The following CRYL1 variants were observed in gnomAD, a reference collection of about 807,000 sequenced individuals.
CRYL1 encodes lambda-crystallin homolog.
CRYL1 carries 29 observed loss-of-function variants against 36.6 expected under a neutral mutation model. The observed-to-expected ratio is 0.79, with a 90% CI of 0.59 to 1.08. The LOEUF is 1.08. Ranked by LOEUF, CRYL1 falls within the 50% of genes least tolerant of loss-of-function variation. CRYL1 has a pLI of 0.00. For synonymous variants in CRYL1, 152 were observed against 151.5 expected, an observed-to-expected ratio of 1.00 and a Z score of -0.02; for missense variants, 411 against 407.9, an observed-to-expected ratio of 1.01 and a Z score of -0.06.
intron 3 of CRYL1, among the ~76,000 whole-genome samples, chr13:20,441,706 A>G (rs925996936): frequency 4.6e-5 from 7 of 152,242 alleles, no homozygotes; most frequent in African/African-American, 1.7e-4. Flanking sequence ...AATGTTTTCA[A>G]GTTTAATTGA....
In CRYL1 at chr13:20,415,730, T is replaced by C. The variant is rs2031646596; in HGVS notation, c.634-2343A>G. Among the ~76,000 whole-genome samples the C allele has an allele frequency of 6.6e-6, 1 of 152,252 alleles. No homozygotes were observed. The highest frequency in any genetic ancestry group is 1.5e-5 in the Non-Finnish European group (1 of 68,032). On this transcript the variant is annotated intron_variant, in intron 5 of 7. Transcript: ENST00000298248. The surrounding 1 kb of genome is among the most constrained non-coding windows in gnomAD (Gnocchi z 4.1). ...CGCCCGCTTCTAGAGGCCCGCACCCTGACTCCTGCAATTGCGGCTTTCCCG... is the reference window on the plus strand; with the variant it reads ...CGCCCGCTTCTAGAGGCCCGCACCCCGACTCCTGCAATTGCGGCTTTCCCG...
intron 2 of CRYL1, among the ~76,000 whole-genome samples, chr13:20,506,584 G>C (rs916637454): frequency 1.1e-4 from 17 of 151,556 alleles, no homozygotes; most frequent in Non-Finnish European, 2.5e-4. Context: ...AGCATCATCA[G>C]TCCTGATGCC....
chr13:20,426,101 G>A (rs1349779941), intron 5 of CRYL1, among the ~76,000 whole-genome samples: 1 of 152,140 alleles, frequency 6.6e-6, no homozygotes, highest in Non-Finnish European at 1.5e-5. Flanking sequence ...AAGCATGCAA[G>A]CAGGATGACA....
intron 5 of CRYL1, among the ~76,000 whole-genome samples, chr13:20,422,011 AAAT>A (rs2031829206): frequency 6.6e-6 from 1 of 152,094 alleles, no homozygotes; most frequent in Non-Finnish European, 1.5e-5. Context: ...ACAAAATAAT[AAAT>A]AATGGTATAA....
At chr13:20,437,775 A>G (rs2032263209) in intron 4 of CRYL1, among the ~76,000 whole-genome samples, 1 of 152,292 alleles carries the variant, frequency 6.6e-6, no homozygotes, top group South Asian at 2.1e-4. Context: ...GGCAATTTAA[A>G]ATTAAAGAGA....
intron 2 of CRYL1, among the ~76,000 whole-genome samples, chr13:20,509,107 T>G (rs535541177): frequency 3.3e-5 from 5 of 151,548 alleles, no homozygotes; most frequent in Non-Finnish European, 7.4e-5. Context: ...GACAGGCGAA[T>G]TGCTTGAACC....
At chr13:20,418,161 C>T (rs2031716450) in intron 5 of CRYL1, among the ~76,000 whole-genome samples, 1 of 152,174 alleles carries the variant, frequency 6.6e-6, no homozygotes, top group Admixed American at 6.5e-5. Context: ...AGAATAATCT[C>T]ATTTACTTAA....
chr13:20,525,152 C>G lies in CRYL1; in HGVS notation c.41+602G>C, dbSNP rs1345524625. 6.6e-6 allele frequency among the ~76,000 whole-genome samples: 1 copy of G among 152,130 alleles called. No homozygotes were observed. Among genetic ancestry groups the G allele is most frequent in the Non-Finnish European group, 1.5e-5 (1 of 68,010 alleles). On this transcript the variant is annotated intron_variant, in intron 1 of 7. Coordinates refer to ENST00000298248, the MANE Select transcript of CRYL1 (RefSeq NM_015974.3). The surrounding 1 kb of genome is among the most constrained non-coding windows in gnomAD (Gnocchi z 4.3). ...CTCTGGGCTCCATCGGCCCCCACCTCCCCTCTGGAAACATCGCCTCGCCCA... is the reference window on the plus strand; with the variant it reads ...CTCTGGGCTCCATCGGCCCCCACCTGCCCTCTGGAAACATCGCCTCGCCCA...
chr13:20,522,579 T>C (rs1004390933), intron 1 of CRYL1, among the ~76,000 whole-genome samples: 7 of 152,172 alleles, frequency 4.6e-5, no homozygotes, highest in Non-Finnish European at 8.8e-5. Context: ...GCATGGTGGA[T>C]ACAAATGGCA....
intron 5 of CRYL1, among the ~76,000 whole-genome samples, chr13:20,422,970 T>A (rs2031854709): frequency 6.6e-6 from 1 of 152,224 alleles, no homozygotes; most frequent in African/African-American, 2.4e-5. Flanking sequence ...TTCATCAGTG[T>A]AATTATAGTT....
At chr13:20,508,317 AC>A (rs1405995312) in intron 2 of CRYL1, among the ~76,000 whole-genome samples, 1 of 152,208 alleles carries the variant, frequency 6.6e-6, no homozygotes, top group African/African-American at 2.4e-5. Flanking sequence ...TTTAGCAGCC[AC>A]CATTTCCAAA....
At position 20,425,017 on chromosome 13, in the gene CRYL1, T is replaced by C. The variant is rs942107827; in HGVS notation, c.633+7085A>G. Among the ~76,000 whole-genome samples, 48 of 152,330 alleles carry C rather than the reference T, an allele frequency of 3.2e-4. No homozygotes were observed. Among genetic ancestry groups the C allele is most frequent in the Non-Finnish European group, 8.8e-5 (6 of 68,030 alleles). Reference sequence around the variant, plus strand: ...TCCCTACACACTGGGCCCATCGCTCTATGTGACTTCGTGCCAAGACCACAC... The same window carrying C: ...TCCCTACACACTGGGCCCATCGCTCCATGTGACTTCGTGCCAAGACCACAC... On this transcript the variant is annotated intron_variant, in intron 5 of 7. Coordinates refer to ENST00000298248, the MANE Select transcript of CRYL1 (RefSeq NM_015974.3). This position sits in a 1 kb window ranked among gnomAD's most constrained non-coding sequence, Gnocchi z 4.4.
At chr13:20,440,343 G>A (rs967134381) in intron 3 of CRYL1, among the ~76,000 whole-genome samples, 4 of 152,118 alleles carry the variant, frequency 2.6e-5, no homozygotes, top group African/African-American at 4.8e-5. Context: ...GAAACTTTCC[G>A]TAGGTGAAGA....
intron 3 of CRYL1, among the ~76,000 whole-genome samples, chr13:20,485,034 T>TTGA (rs1047214575): frequency 3.3e-5 from 5 of 152,190 alleles, no homozygotes; most frequent in Non-Finnish European, 5.9e-5. Flanking sequence ...GTTGTTGTTG[T>TTGA]TGAGACAAGG....
At chr13:20,478,159 C>T (rs6490585) in intron 3 of CRYL1, among the ~76,000 whole-genome samples, 90,428 of 151,470 alleles carry the variant, frequency 0.6, 28,476 homozygotes, top group South Asian at 0.75. Flanking sequence ...AGTTTCCAAG[C>T]ATTAAATATG....
chr13:20,440,695 G>A (rs1018936315), intron 3 of CRYL1, among the ~76,000 whole-genome samples: 4 of 152,160 alleles, frequency 2.6e-5, no homozygotes, highest in Non-Finnish European at 4.4e-5. Context: ...CTCGTGAAAT[G>A]AACAAACACG....
chr13:20,464,576 C>T (rs183805057), intron 3 of CRYL1, among the ~76,000 whole-genome samples: 87 of 152,216 alleles, frequency 5.7e-4, no homozygotes, highest in South Asian at 1.2e-3. Context: ...GAGCGCTTCA[C>T]CAGGAATTTC....
intron 4 of CRYL1, chr13:20,433,746 C>G (rs962507981): frequency 6.5e-6 from 1 of 154,402 alleles, no homozygotes; most frequent in African/African-American, 2.4e-5. Context: ...GGATTGGGGT[C>G]TTTCAAACAT....
intron 3 of CRYL1, among the ~76,000 whole-genome samples, chr13:20,466,150 G>C (rs2032928190): frequency 6.6e-6 from 1 of 152,104 alleles, no homozygotes; most frequent in South Asian, 2.1e-4. Flanking sequence ...AAATTGCCCA[G>C]CCTCAGGTAT....
Sources: allele counts gnomAD v4.1 joint callset (sites outside exome capture counted in the v4.1 genomes callset), GRCh38; gene constraint gnomAD v4.1.1; non-coding constraint Gnocchi (gnomAD v3.1); transcripts MANE v1.5; gene names NCBI Gene and HGNC (gene_info 2026-07-23, HGNC 2026-07-21).